Variants in CSRNP3 observed in about 807,000 individuals in gnomAD.
CSRNP3 encodes cysteine and serine rich nuclear protein 3.
Under a neutral mutation model 48.0 loss-of-function variants are expected in CSRNP3, and 12 were observed. The observed-to-expected ratio is 0.25, with a 90% CI of 0.16 to 0.41. The LOEUF (loss-of-function observed/expected upper bound fraction) is 0.41, where lower values mean the gene tolerates loss of function less well. Ranked by LOEUF, CSRNP3 falls within the 10% of genes least tolerant of loss-of-function variation. The probability of loss-of-function intolerance (pLI) is 1.00; values close to 1 mark genes in which losing one functional copy is unlikely to be tolerated. For synonymous variants in CSRNP3, 263 were observed against 269.7 expected (o/e 0.98, Z 0.24); for missense variants, 580 against 724.4 (o/e 0.80, Z 2.29).
At chr2:165,497,713 GA>G (rs1377102806) in intron 2 of CSRNP3, among the ~76,000 whole-genome samples, 1 of 152,026 alleles carries the variant, frequency 6.6e-6, no homozygotes, top group East Asian at 1.9e-4. Flanking sequence ...TGCAGATGTG[GA>G]GACTAAGGTC....
chr2:165,566,033 T>G (rs1396258290), intron 3 of CSRNP3, among the ~76,000 whole-genome samples: 1 of 151,938 alleles, frequency 6.6e-6, no homozygotes, highest in Non-Finnish European at 1.5e-5. Flanking sequence ...ATAGACAAAA[T>G]CTATGAATCT....
intron 3 of CSRNP3, among the ~76,000 whole-genome samples, chr2:165,584,764 T>G (rs1397203336): frequency 6.6e-6 from 1 of 152,090 alleles, no homozygotes; most frequent in East Asian, 2.0e-4. Flanking sequence ...AAAATGATGA[T>G]TAGTTTATTT....
chr2:165,490,646 A>G (rs1261109360), intron 1 of CSRNP3, among the ~76,000 whole-genome samples: 5 of 137,792 alleles, frequency 3.6e-5, no homozygotes, highest in South Asian at 2.6e-4. Context: ...ATAACGCCGC[A>G]TACCTACAAC....
At chr2:165,507,563 A>T (rs1296004053) in intron 2 of CSRNP3, among the ~76,000 whole-genome samples, 1 of 152,084 alleles carries the variant, frequency 6.6e-6, no homozygotes, top group Admixed American at 6.5e-5. Flanking sequence ...CTGTGATAAA[A>T]TTCCCTCATG....
intron 3 of CSRNP3, among the ~76,000 whole-genome samples, chr2:165,552,386 T>C (rs886600489): frequency 5.9e-5 from 9 of 152,204 alleles, no homozygotes; most frequent in Admixed American, 1.3e-4. Flanking sequence ...AGCACAAAGC[T>C]CATCCTCAGA....
intron 3 of CSRNP3, among the ~76,000 whole-genome samples, chr2:165,570,903 A>G (rs1421121054): frequency 2.6e-5 from 4 of 152,018 alleles, no homozygotes; most frequent in African/African-American, 9.6e-5. Flanking sequence ...TATTTAAGTC[A>G]TAAACATTCT....
At chr2:165,541,753 A>T (rs1310177345) in intron 3 of CSRNP3, among the ~76,000 whole-genome samples, 1 of 152,122 alleles carries the variant, frequency 6.6e-6, no homozygotes, top group Non-Finnish European at 1.5e-5. Context: ...AGATCTGAGC[A>T]GTTGTTTCTA....
At chr2:165,617,510 T>C (rs980281777) in intron 4 of CSRNP3, among the ~76,000 whole-genome samples, 11 of 152,294 alleles carry the variant, frequency 7.2e-5, no homozygotes, top group African/African-American at 2.6e-4. Flanking sequence ...GAGACTGTGG[T>C]GCCAGGCAGG....
intron 4 of CSRNP3, among the ~76,000 whole-genome samples, chr2:165,649,999 T>C (rs1370468896): frequency 1.3e-5 from 2 of 152,202 alleles, no homozygotes; most frequent in Non-Finnish European, 2.9e-5. Flanking sequence ...TATAACTGAA[T>C]GTAAAATAAC....
At chr2:165,591,651 G>A (rs571075631) in intron 3 of CSRNP3, among the ~76,000 whole-genome samples, 15 of 152,280 alleles carry the variant, frequency 9.9e-5, no homozygotes, top group Admixed American at 4.6e-4. Flanking sequence ...AGCTAAAAGC[G>A]GCCAAAGTAC....
chr2:165,677,784 C>T (rs887030228), intron 6 of CSRNP3, among the ~76,000 whole-genome samples: 1 of 152,162 alleles, frequency 6.6e-6, no homozygotes, highest in African/African-American at 2.4e-5. Flanking sequence ...TCTGTGGAAT[C>T]TGAGACAATT....
rs62174754 is a variant in CSRNP3 at position 165,583,079 on chromosome 2, C to G, written c.-23-11964C>G. Among the ~76,000 whole-genome samples, 276 of 152,352 alleles carry G rather than the reference C, an allele frequency of 1.8e-3. 1 individual carries two copies. The highest frequency in any genetic ancestry group is 6.8e-3 in the Middle Eastern group (2 of 294). ...TTGGCAAGCCACCAGCAGCATTTTTCACATTGGTAGTGCCCCATGGAAACA... is the reference window on the plus strand; with the variant it reads ...TTGGCAAGCCACCAGCAGCATTTTTGACATTGGTAGTGCCCCATGGAAACA... On this transcript the variant is annotated intron_variant, in intron 3 of 6. Transcript: ENST00000651982.
chr2:165,544,005 A>G (rs1373723943), intron 3 of CSRNP3, among the ~76,000 whole-genome samples: 2 of 151,680 alleles, frequency 1.3e-5, no homozygotes, highest in Non-Finnish European at 2.9e-5. Flanking sequence ...TTTTATATAT[A>G]TATATACACA....
chr2:165,487,820 G>T (rs979019700), intron 1 of CSRNP3, among the ~76,000 whole-genome samples: 2 of 149,328 alleles, frequency 1.3e-5, no homozygotes, highest in South Asian at 2.1e-4. Context: ...AGGAACAACC[G>T]GTACCAGCCG....
chr2:165,575,391 T>C (rs1441526368), intron 3 of CSRNP3, among the ~76,000 whole-genome samples: 1 of 145,836 alleles, frequency 6.9e-6, no homozygotes. Context: ...AAAAATGTTA[T>C]TTTCATTTGC....
At chr2:165,608,600 C>T (rs996568906) in intron 4 of CSRNP3, among the ~76,000 whole-genome samples, 1 of 152,016 alleles carries the variant, frequency 6.6e-6, no homozygotes, top group Non-Finnish European at 1.5e-5. Context: ...GTGAGCTTAA[C>T]CCTACTTGTT....
At chr2:165,571,615 T>G (rs1401646427) in intron 3 of CSRNP3, among the ~76,000 whole-genome samples, 1 of 152,032 alleles carries the variant, frequency 6.6e-6, no homozygotes, top group Non-Finnish European at 1.5e-5. Flanking sequence ...ATCATATGTT[T>G]TATTGAGGTA....
At chr2:165,497,220 A>G (rs1323172706) in intron 2 of CSRNP3, among the ~76,000 whole-genome samples, 1 of 152,090 alleles carries the variant, frequency 6.6e-6, no homozygotes, top group African/African-American at 2.4e-5. Flanking sequence ...AGAGGAGAAT[A>G]CTTAAGCTAT....
At chr2:165,603,909 C>G (rs1223302602) in intron 4 of CSRNP3, among the ~76,000 whole-genome samples, 2 of 152,190 alleles carry the variant, frequency 1.3e-5, no homozygotes, top group African/African-American at 4.8e-5. Context: ...TTCTCATCGT[C>G]TTGCACCCTT....
Sources: allele counts gnomAD v4.1 joint callset (sites outside exome capture counted in the v4.1 genomes callset), GRCh38; gene constraint gnomAD v4.1.1; transcripts MANE v1.5; gene names NCBI Gene and HGNC (gene_info 2026-07-23, HGNC 2026-07-21).